Variants in FAM184B observed in about 807,000 individuals in gnomAD.
The protein encoded by FAM184B is protein FAM184B.
FAM184B carries 111 observed loss-of-function variants against 135.9 expected under a neutral mutation model. The ratio of observed to expected loss-of-function variants is 0.82; its 90% CI spans 0.70 to 0.96. The LOEUF (loss-of-function observed/expected upper bound fraction) is 0.96. FAM184B is among the 40% of genes least tolerant of loss of function. The pLI is 0.00. For missense variants in FAM184B, 1,375 were observed against 1,323.9 expected, an observed-to-expected ratio of 1.04 and a Z score of -0.60; for synonymous variants, 552 against 524.8, an observed-to-expected ratio of 1.05 and a Z score of -0.71.
intron 1 of FAM184B, among the ~76,000 whole-genome samples, chr4:17,729,113 C>T (rs964346927): frequency 6.6e-6 from 1 of 152,206 alleles, no homozygotes; most frequent in Non-Finnish European, 1.5e-5. Context: ...CCGCACATGG[C>T]TTGGAGGGTC....
chr4:17,704,755 G>T (rs1456125651), intron 5 of FAM184B, among the ~76,000 whole-genome samples: 1 of 152,184 alleles, frequency 6.6e-6, no homozygotes, highest in African/African-American at 2.4e-5. Flanking sequence ...ATGACTCCAG[G>T]CCTATAGGGG....
intron 12 of FAM184B, among the ~76,000 whole-genome samples, chr4:17,643,620 C>T (rs1277294427): frequency 2.0e-5 from 3 of 152,246 alleles, no homozygotes; most frequent in Non-Finnish European, 4.4e-5. Flanking sequence ...CACGTTCTGT[C>T]TTCCCTCTGC....
At chr4:17,636,983 T>C (rs1235580004) in intron 14 of FAM184B, among the ~76,000 whole-genome samples, 1 of 152,154 alleles carries the variant, frequency 6.6e-6, no homozygotes, top group Non-Finnish European at 1.5e-5. Flanking sequence ...TCTGGCGCCA[T>C]CTGCTGGCGG....
At chr4:17,677,001 A>G (rs1716325126) in intron 7 of FAM184B, among the ~76,000 whole-genome samples, 1 of 152,226 alleles carries the variant, frequency 6.6e-6, no homozygotes, top group Non-Finnish European at 1.5e-5. Context: ...ACACAACTGT[A>G]TATCACAATT....
At chr4:17,728,766 T>C (rs1717700089) in intron 1 of FAM184B, among the ~76,000 whole-genome samples, 1 of 152,190 alleles carries the variant, frequency 6.6e-6, no homozygotes, top group Non-Finnish European at 1.5e-5. Context: ...AAAAAATTTC[T>C]GAGAGCCAAG....
intron 1 of FAM184B, among the ~76,000 whole-genome samples, chr4:17,735,144 A>C (rs532387138): frequency 6.6e-6 from 1 of 151,616 alleles, no homozygotes; most frequent in East Asian, 1.9e-4. Context: ...AAACACATGG[A>C]CACAGGAAGG....
chr4:17,771,373 C>T (rs539365449), intron 1 of FAM184B, among the ~76,000 whole-genome samples: 119 of 152,202 alleles, frequency 7.8e-4, no homozygotes, highest in South Asian at 1.5e-3. Context: ...GAGCAAGGTT[C>T]AAGGACATTC....
intron 10 of FAM184B, among the ~76,000 whole-genome samples, chr4:17,656,709 T>C (rs1715784948): frequency 6.6e-6 from 1 of 152,206 alleles, no homozygotes; most frequent in African/African-American, 2.4e-5. Flanking sequence ...ACTTTCTTTT[T>C]TTTAAAGCTT....
At chr4:17,741,256 A>C (rs572445946) in intron 1 of FAM184B, among the ~76,000 whole-genome samples, 10 of 152,308 alleles carry the variant, frequency 6.6e-5, no homozygotes, top group African/African-American at 2.2e-4. Context: ...CAAGGAAGGG[A>C]TATTGGGGGA....
rs1716487788 is a variant in FAM184B at position 17,683,175 on chromosome 4, T to C, written c.1596+5249A>G. 3.3e-5 allele frequency among the ~76,000 whole-genome samples: 5 copies of C among 152,182 alleles called. No individual in the cohort carries two copies. In the South Asian group the frequency reaches 6.2e-4, roughly 19 times the overall value. ...GAACTACATTACATTTTTTTTCTAA[T>C]TGGCAAAGTTCAGAAAGTTTTGTAA... On this transcript the variant is annotated intron_variant, in intron 7 of 17. Coordinates refer to ENST00000265018, the MANE Select transcript of FAM184B (RefSeq NM_015688.2).
intron 1 of FAM184B, among the ~76,000 whole-genome samples, chr4:17,772,799 T>G (rs1718847100): frequency 6.6e-6 from 1 of 152,202 alleles, no homozygotes; most frequent in Non-Finnish European, 1.5e-5. Flanking sequence ...ATCCATCCGG[T>G]CACAATGCTA....
rs192178401 is a variant in FAM184B at position 17,705,849 on chromosome 4, C to T, written c.1073G>A (p.Arg358Gln). ...TELVSENKVL[R>Q]EENDLEAGNL... The stretch of plus-strand genomic sequence containing the variant: ...GCCGGCTTCCAAGTCATTCTCTTCC[C>T]GCAGGACTTTGTTCTCTGAAACTAA... Residue 358 changes from arginine to glutamine, a missense_variant, in exon 4 of 18, where the codon CGG (arginine) becomes CAG (glutamine). Physicochemically the swap from Arg to Gln is conservative, Grantham distance 43. Coordinates refer to ENST00000265018, the MANE Select transcript of FAM184B (RefSeq NM_015688.2). 29 of 1,552,194 alleles carry T rather than the reference C, an allele frequency of 1.9e-5. No individual in the cohort carries two copies. The highest frequency in any genetic ancestry group is 4.9e-5 in the East Asian group (2 of 40,908).
chr4:17,671,272 G>C (rs1293748278), intron 7 of FAM184B, among the ~76,000 whole-genome samples: 1 of 152,094 alleles, frequency 6.6e-6, no homozygotes, highest in Admixed American at 6.6e-5. Context: ...GGCATGTCTA[G>C]CACCCCAAGT....
intron 11 of FAM184B, among the ~76,000 whole-genome samples, chr4:17,648,193 G>T (rs1018472016): frequency 6.6e-6 from 1 of 152,058 alleles, no homozygotes; most frequent in Admixed American, 6.6e-5. Flanking sequence ...GCAGGTGTGG[G>T]CAGCATGGCC....
intron 10 of FAM184B, among the ~76,000 whole-genome samples, chr4:17,656,135 C>T (rs920129588): frequency 2.6e-5 from 4 of 152,126 alleles, no homozygotes; most frequent in Admixed American, 6.5e-5. Flanking sequence ...TGGAACTCCC[C>T]GCCTCAGGTG....
intron 12 of FAM184B, among the ~76,000 whole-genome samples, chr4:17,647,414 A>G (rs1715498033): frequency 6.6e-6 from 1 of 151,820 alleles, no homozygotes; most frequent in Admixed American, 6.6e-5. Flanking sequence ...CGCCCAGCTA[A>G]TTTTCAATTT....
rs1397866984 is a variant in FAM184B, at chr4:17,758,439, ACTGCCTAC to A, written c.141+22712_141+22719del. Among the ~76,000 whole-genome samples, 4 of 152,234 alleles carry A rather than the reference ACTGCCTAC, an allele frequency of 2.6e-5. No individual in the cohort carries two copies. The East Asian group carries it at 7.7e-4, about 29-fold the overall frequency. On this transcript the variant is annotated intron_variant, in intron 1 of 17. Coordinates refer to ENST00000265018, the MANE Select transcript of FAM184B (RefSeq NM_015688.2). The stretch of plus-strand genomic sequence containing the variant: ...AACCAACCAGCCAAGTAACTAACTG[ACTGCCTAC>A]CTGTAGCAGCAGCTGTCTGCTGTTG...
At chr4:17,721,309 G>A (rs1477728602) in intron 1 of FAM184B, among the ~76,000 whole-genome samples, 6 of 145,464 alleles carry the variant, frequency 4.1e-5, no homozygotes, top group African/African-American at 1.5e-4. Flanking sequence ...GCGTGAACCC[G>A]GGAGGCAGAG....
intron 1 of FAM184B, among the ~76,000 whole-genome samples, chr4:17,718,317 G>C (rs901808923): frequency 2.6e-5 from 4 of 152,036 alleles, no homozygotes; most frequent in African/African-American, 7.2e-5. Flanking sequence ...TGGGTCCAAA[G>C]TTAAAAGAGT....
Sources: allele counts gnomAD v4.1 joint callset (sites outside exome capture counted in the v4.1 genomes callset), GRCh38; gene constraint gnomAD v4.1.1; transcripts MANE v1.5; gene names NCBI Gene and HGNC (gene_info 2026-07-23, HGNC 2026-07-21).